The following GPC3 variants were observed in gnomAD, a reference collection of about 807,000 sequenced individuals.
The protein encoded by GPC3 is glypican-3.
A neutral mutation model predicts 34.4 loss-of-function variants in GPC3; 3 were observed. The observed-to-expected ratio is 0.09, with a 90% CI of 0.04 to 0.23. The LOEUF (loss-of-function observed/expected upper bound fraction) is 0.23, where lower values mean the gene tolerates loss of function less well. Ranked by LOEUF, GPC3 falls within the 10% of genes least tolerant of loss-of-function variation. The pLI, the probability that GPC3 is intolerant of heterozygous loss-of-function variation, is 1.00. For missense variants in GPC3, 351 were observed against 445.6 expected (o/e 0.79, Z 1.91); for synonymous variants, 177 against 174.0 (o/e 1.02, Z -0.13).
In GPC3 at chrX:133,536,143, A is replaced by C. The variant is rs981077333; in HGVS notation, c.1724T>G (p.Phe575Cys). ...LTSMAISVVC[F>C]FFLVH The stretch of plus-strand genomic sequence containing the variant: ...AGGCAGTCAGTGCACCAGGAAGAAG[A>C]AGCACACCACCGAGATGGCCATGCT... Residue 575 changes from phenylalanine to cysteine, a missense_variant, in exon 8 of 8, where the codon TTC (phenylalanine) becomes TGC (cysteine). Coordinates refer to ENST00000370818, the MANE Select transcript of GPC3 (RefSeq NM_004484.4). 2 of 1,206,854 alleles carry C rather than the reference A, an allele frequency of 1.7e-6. No individual in the cohort carries two copies. Among genetic ancestry groups the C allele is most frequent in the Non-Finnish European group, 2.2e-6 (2 of 892,560 alleles).
At chrX:133,699,752 C>T (rs967368140) in intron 4 of GPC3, 143 bp downstream of exon 4, 8 of 445,521 alleles carry the variant, frequency 1.8e-5, no homozygotes, top group Non-Finnish European at 3.1e-5. Context: ...TAAACATTGA[C>T]AGATGATAAA....
At chrX:133,558,448 T>G (rs901534067) in intron 7 of GPC3, among the ~76,000 whole-genome samples, 17 of 111,164 alleles carry the variant, frequency 1.5e-4, no homozygotes, top group African/African-American at 5.5e-4. Flanking sequence ...TTTTCCTTTC[T>G]CTATAGCTTC....
chrX:133,678,890 T>C (rs1410736615), intron 5 of GPC3, among the ~76,000 whole-genome samples: 1 of 112,458 alleles, frequency 8.9e-6, no homozygotes, highest in East Asian at 2.8e-4. Flanking sequence ...TCAATGATTC[T>C]TATTTGTATG....
intron 2 of GPC3, among the ~76,000 whole-genome samples, chrX:133,816,081 CCTT>C (rs1194541357): frequency 9.0e-6 from 1 of 110,716 alleles, no homozygotes; most frequent in Non-Finnish European, 1.9e-5. Flanking sequence ...GATGGGATCT[CCTT>C]CTGTCACCCA....
chrX:133,846,724 G>A (rs1451785569), intron 2 of GPC3, among the ~76,000 whole-genome samples: 3 of 111,773 alleles, frequency 2.7e-5, no homozygotes, highest in Non-Finnish European at 1.9e-5. Flanking sequence ...ACTGCCACCA[G>A]AATAGCTTAT....
At chrX:133,668,144 C>G (rs2070787534) in intron 5 of GPC3, among the ~76,000 whole-genome samples, 1 of 110,057 alleles carries the variant, frequency 9.1e-6, no homozygotes, top group South Asian at 4.0e-4. Context: ...ACTTCATGAT[C>G]CGCCCGCCCA....
intron 2 of GPC3, among the ~76,000 whole-genome samples, chrX:133,775,257 C>T (rs1474347812): frequency 4.5e-5 from 5 of 110,267 alleles, no homozygotes; most frequent in African/African-American, 1.7e-4. Flanking sequence ...TTATACTTCA[C>T]AAAATTAGAC....
chrX:133,585,263 G>A (rs935783239), intron 7 of GPC3, among the ~76,000 whole-genome samples: 2 of 111,714 alleles, frequency 1.8e-5, no homozygotes, highest in Non-Finnish European at 3.8e-5. Context: ...CAGCACATGC[G>A]TGCACATGTG....
intron 6 of GPC3, among the ~76,000 whole-genome samples, chrX:133,621,513 C>G (rs148626678): frequency 8.9e-6 from 1 of 112,379 alleles, no homozygotes; most frequent in East Asian, 2.8e-4. Flanking sequence ...TATCCCGCGC[C>G]TGGCTTGGAG....
chrX:133,800,307 C>T (rs1472519212), intron 2 of GPC3, among the ~76,000 whole-genome samples: 1 of 112,662 alleles, frequency 8.9e-6, no homozygotes, highest in Non-Finnish European at 1.9e-5. Context: ...CTAAATGTAT[C>T]ACAGAAATGT....
At chrX:133,643,153 G>C (rs2070500448) in intron 6 of GPC3, among the ~76,000 whole-genome samples, 1 of 111,803 alleles carries the variant, frequency 8.9e-6, no homozygotes, top group African/African-American at 3.3e-5. Flanking sequence ...CCTGGATGGT[G>C]TAGATCATGG....
rs766950610 is a variant in GPC3 at position 133,817,246 on chromosome X, G to C, written c.338-63070C>G. ...TTACTTTTTTTACCACCTTCTCTTG[G>C]GACCTTTTCTTCTAGCGTGTAGACT... On this transcript the variant is annotated intron_variant, in intron 2 of 7. Coordinates refer to ENST00000370818, the MANE Select transcript of GPC3 (RefSeq NM_004484.4). 4.0e-3 allele frequency among the ~76,000 whole-genome samples: 440 copies of C among 110,742 alleles called. 1 individual carries two copies. Among genetic ancestry groups the C allele is most frequent in the African/African-American group, 0.013 (407 of 30,456 alleles).
intron 6 of GPC3, among the ~76,000 whole-genome samples, chrX:133,619,770 A>G (rs1180637662): frequency 6.3e-5 from 7 of 110,900 alleles, no homozygotes; most frequent in Non-Finnish European, 1.1e-4. Flanking sequence ...ACTAATAACC[A>G]CTGAATTGTA....
Position 133,697,054 on chromosome X carries a change from T to C in GPC3, c.1166+2841A>G, listed in dbSNP as rs1330460698. On this transcript the variant is annotated intron_variant, in intron 4 of 7. Transcript: ENST00000370818. ...GAAGAGGATCATCCCTTCCCTTCTT[T>C]GGTTGCAGGGGAGGAGATTGCCTTT... is the stretch of plus-strand genomic sequence containing the variant. 2.7e-5 allele frequency among the ~76,000 whole-genome samples: 3 copies of C among 112,505 alleles called. No individual in the cohort carries two copies. The Admixed American group carries it at 2.8e-4, about 11-fold the overall frequency.
intron 2 of GPC3, among the ~76,000 whole-genome samples, chrX:133,855,324 G>T (rs768859194): frequency 9.2e-6 from 1 of 109,127 alleles, no homozygotes; most frequent in Admixed American, 9.8e-5. Context: ...TCCTACACCC[G>T]ACTAATTTTT....
At chrX:133,914,622 A>G (rs938367992) in intron 2 of GPC3, among the ~76,000 whole-genome samples, 1 of 110,679 alleles carries the variant, frequency 9.0e-6, no homozygotes, top group Admixed American at 9.7e-5. Context: ...TCTTGAGCAA[A>G]TGACTTCCTC....
At chrX:133,939,215 A>G (rs1175067437) in intron 2 of GPC3, among the ~76,000 whole-genome samples, 2 of 112,197 alleles carry the variant, frequency 1.8e-5, no homozygotes, top group Admixed American at 1.9e-4. Flanking sequence ...CCATGTCTAC[A>G]TTCAGACAGT....
chrX:133,681,877 G>A (rs2070947586), intron 5 of GPC3, among the ~76,000 whole-genome samples: 1 of 111,935 alleles, frequency 8.9e-6, no homozygotes, highest in Non-Finnish European at 1.9e-5. Flanking sequence ...GAGGTCAGAG[G>A]TGTTCTGATG....
Position 133,751,967 on chromosome X carries a change from C to T in GPC3, c.1032+1515G>A, listed in dbSNP as rs564456936. Among the ~76,000 whole-genome samples the T allele has an allele frequency of 5.0e-3, 561 of 111,527 alleles. 2 individuals are homozygous for T. The highest frequency in any genetic ancestry group is 8.2e-3 in the Non-Finnish European group (438 of 53,129). On this transcript the variant is annotated intron_variant, in intron 3 of 7. Coordinates refer to ENST00000370818, the MANE Select transcript of GPC3 (RefSeq NM_004484.4). ...GCAGTCACGTGATCATGGCTCACTG[C>T]AGCGTTGATCCTCCCACTTCAGTCC... is the stretch of plus-strand genomic sequence containing the variant.
Sources: gnomAD v4.1 joint callset for allele counts (sites outside exome capture counted in the v4.1 genomes callset) on GRCh38, gnomAD v4.1.1 for gene constraint, MANE v1.5 for transcripts, NCBI Gene and HGNC (gene_info 2026-07-23, HGNC 2026-07-21) for gene names.